FHOD3: variants seen among roughly 807,000 people sequenced by gnomAD.
FHOD3 encodes the protein formin homology 2 domain containing 3.
A neutral mutation model predicts 173.0 loss-of-function variants in FHOD3; 90 were observed. The observed-to-expected ratio is 0.52, with a 90% CI of 0.44 to 0.62. The LOEUF is 0.62. Among genes scored for constraint, FHOD3 ranks in the 20% least tolerant of loss-of-function variants. FHOD3 has a pLI of 0.00. For synonymous variants in FHOD3, 828 were observed against 823.0 expected (o/e 1.01, Z -0.10); for missense variants, 1,945 against 2,034.7 (o/e 0.96, Z 0.85).
chr18:36,423,819 A>G (rs541847283), intron 3 of FHOD3, among the ~76,000 whole-genome samples: 93 of 152,376 alleles, frequency 6.1e-4, no homozygotes, highest in African/African-American at 2.2e-3. Context: ...AAATAAAACA[A>G]GAATCCCTAT....
intron 28 of FHOD3, among the ~76,000 whole-genome samples, chr18:36,771,142 T>C (rs1425101540): frequency 6.6e-6 from 1 of 152,140 alleles, no homozygotes; most frequent in Non-Finnish European, 1.5e-5. Context: ...CCTCAGACAA[T>C]ACGTGTGTCT....
intron 14 of FHOD3, among the ~76,000 whole-genome samples, chr18:36,669,336 A>G (rs2037385210): frequency 6.6e-6 from 1 of 151,762 alleles, no homozygotes; most frequent in Non-Finnish European, 1.5e-5. Context: ...ATTAGGTTTT[A>G]TGTTTCTTGT....
Position 36,746,999 on chromosome 18 carries a change from G to A in FHOD3, c.4096G>A (p.Ala1366Thr). 1 of 1,613,344 alleles carries A rather than the reference G, an allele frequency of 6.2e-7. No individual in the cohort carries two copies. The highest frequency in any genetic ancestry group is 8.5e-7 in the Non-Finnish European group (1 of 1,179,822). The part of the protein sequence containing the change: ...NLCQMERRCK[A>T]SWDHLKAIAK... The stretch of plus-strand genomic sequence containing the variant: ...ATGTCAGATGGAGAGAAGATGCAAA[G>A]CTTCATGGGATCACCTCAAGGCAAT... Residue 1366 changes from alanine to threonine, a missense_variant, in exon 24 of 29, where the codon GCT becomes ACT. Ala to Thr is a moderately conservative substitution (Grantham distance 58, BLOSUM62 0). Coordinates refer to ENST00000590592, the MANE Select transcript of FHOD3 (RefSeq NM_001281740.3).
At chr18:36,601,997 T>C (rs1337665095) in intron 7 of FHOD3, among the ~76,000 whole-genome samples, 1 of 152,242 alleles carries the variant, frequency 6.6e-6, no homozygotes, top group African/African-American at 2.4e-5. Flanking sequence ...TCATCCCTGC[T>C]GCAAGAGACC....
intron 1 of FHOD3, 29 bp from the exon 2 acceptor site, chr18:36,355,510 T>G: frequency 6.3e-7 from 1 of 1,583,822 alleles, no homozygotes; most frequent in African/African-American, 1.3e-5. Flanking sequence ...GAGGAGCAGG[T>G]TGGGTATAAC....
intron 6 of FHOD3, 66 bp from the exon 7 acceptor site, chr18:36,594,721 G>C: frequency 8.6e-7 from 1 of 1,165,694 alleles, no homozygotes; most frequent in Non-Finnish European, 1.3e-6. Context: ...GCTGCGGTTA[G>C]GAAGATGCTC....
intron 9 of FHOD3, among the ~76,000 whole-genome samples, chr18:36,622,293 C>T (rs1391369806): frequency 2.6e-5 from 4 of 151,946 alleles, no homozygotes; most frequent in East Asian, 1.9e-4. Context: ...AATAATGTAT[C>T]GTACACTTAG....
chr18:36,346,618 C>A lies in FHOD3; in HGVS notation c.166-8921C>A, dbSNP rs553153334. ...TATGCCCTCCTTCCCTATACCATTT[C>A]TCTCCCTTTCCTTCTCTCCATTTCC... On this transcript the variant is annotated intron_variant, in intron 1 of 28. Coordinates refer to ENST00000590592, the MANE Select transcript of FHOD3 (RefSeq NM_001281740.3). Among the ~76,000 whole-genome samples, 7 of 152,230 alleles carry A rather than the reference C, an allele frequency of 4.6e-5. No homozygotes were observed. The South Asian group carries it at 1.5e-3, about 32-fold the overall frequency.
At position 36,297,755 on chromosome 18, in the gene FHOD3, C is replaced by A. The variant is rs1421530347; in HGVS notation, c.-81C>A. On this transcript the variant is annotated 5_prime_UTR_variant, in exon 1 of 29. Transcript: ENST00000590592. ...AGCCAGCGAGCTGCGGCTGCGGCCT[C>A]CCCTGCGCGCAGCTACCCGGGCGTC... is the stretch of plus-strand genomic sequence containing the variant. 10 of 1,244,720 alleles carry A rather than the reference C, an allele frequency of 8.0e-6. No individual in the cohort carries two copies. The highest frequency in any genetic ancestry group is 3.2e-5 in the African/African-American group (2 of 62,512). 77.1% of individuals were successfully genotyped at this position (1,244,720 alleles called of 1,614,324 possible). A position where few individuals can be genotyped will look rare whatever the true frequency, so the allele number is the denominator to read the frequency against.
chr18:36,452,637 T>A (rs1461914574), intron 3 of FHOD3, among the ~76,000 whole-genome samples: 1 of 152,060 alleles, frequency 6.6e-6, no homozygotes, highest in Non-Finnish European at 1.5e-5. Flanking sequence ...ACCATTCTGC[T>A]CTCTGCTTCT....
chr18:36,586,283 A>G (rs1272478233), intron 6 of FHOD3, among the ~76,000 whole-genome samples: 1 of 152,234 alleles, frequency 6.6e-6, no homozygotes, highest in East Asian at 1.9e-4. Context: ...GAAATGGGCT[A>G]TGCGACAAGT....
intron 2 of FHOD3, among the ~76,000 whole-genome samples, chr18:36,356,400 T>G (rs1303613128): frequency 6.6e-6 from 1 of 152,190 alleles, no homozygotes; most frequent in Non-Finnish European, 1.5e-5. Flanking sequence ...AAGTGAAACC[T>G]CTCTAGGAAT....
intron 3 of FHOD3, among the ~76,000 whole-genome samples, chr18:36,388,832 G>A (rs1186315565): frequency 6.6e-6 from 1 of 152,186 alleles, no homozygotes; most frequent in Non-Finnish European, 1.5e-5. Context: ...TCATATTTTT[G>A]TATCATTTTG....
At chr18:36,417,319 A>G (rs1422411455) in intron 3 of FHOD3, among the ~76,000 whole-genome samples, 1 of 152,034 alleles carries the variant, frequency 6.6e-6, no homozygotes, top group Non-Finnish European at 1.5e-5. Context: ...AACAGGTGGT[A>G]TTTGGTTTTC....
intron 1 of FHOD3, among the ~76,000 whole-genome samples, chr18:36,320,310 C>T (rs965224945): frequency 2.0e-5 from 3 of 152,002 alleles, no homozygotes; most frequent in Non-Finnish European, 2.9e-5. Flanking sequence ...ATATCACCAC[C>T]GATCCCACAG....
chr18:36,668,496 G>C (rs1026844053), intron 14 of FHOD3, among the ~76,000 whole-genome samples: 1 of 151,364 alleles, frequency 6.6e-6, no homozygotes, highest in Non-Finnish European at 1.5e-5. Context: ...TTTTTATACT[G>C]TTTTTCTGTT....
intron 5 of FHOD3, among the ~76,000 whole-genome samples, chr18:36,513,041 A>C (rs1248381734): frequency 1.3e-5 from 2 of 152,194 alleles, no homozygotes; most frequent in Non-Finnish European, 2.9e-5. Context: ...TTGCCTTTTA[A>C]AGAGCGATTC....
rs373836211 is a variant in FHOD3, at chr18:36,664,777, T to TGAGAGAGAGAGAGAGAGA, written c.1835+6610_1835+6627dup. Among the ~76,000 whole-genome samples the TGAGAGAGAGAGAGAGAGA allele has an allele frequency of 4.6e-4, 60 of 129,582 alleles. 2 individuals carry two copies. Among genetic ancestry groups the TGAGAGAGAGAGAGAGAGA allele is most frequent in the Middle Eastern group, 4.0e-3 (1 of 248 alleles). The allele number at this position is 129,582 out of a possible 152,430, so 85.0% of individuals were successfully genotyped here. On this transcript the variant is annotated intron_variant, in intron 14 of 28. Coordinates refer to ENST00000590592, the MANE Select transcript of FHOD3 (RefSeq NM_001281740.3). Reference sequence around the variant, plus strand: ...GAGCAAAAAGGGGTGTGTGTGTATGTGAGAGAGAGAGAGAGAGAGAGAGAG... The same window carrying TGAGAGAGAGAGAGAGAGA: ...GAGCAAAAAGGGGTGTGTGTGTATGTGAGAGAGAGAGAGAGAGAGAGAGAGAGAGAGAGAGAGAGAGAG...
chr18:36,302,120 C>T (rs960572242), intron 1 of FHOD3, among the ~76,000 whole-genome samples: 3 of 152,246 alleles, frequency 2.0e-5, no homozygotes, highest in Non-Finnish European at 4.4e-5. Flanking sequence ...GACAGCAGGT[C>T]TAAGCTCTTA....
Sources: gnomAD v4.1 joint callset for allele counts (sites outside exome capture counted in the v4.1 genomes callset) on GRCh38, gnomAD v4.1.1 for gene constraint, MANE v1.5 for transcripts, NCBI Gene and HGNC (gene_info 2026-07-23, HGNC 2026-07-21) for gene names.